The following CSMD1 variants were observed in gnomAD, a reference collection of about 807,000 sequenced individuals.
The protein encoded by CSMD1 is CUB and sushi domain-containing protein 1.
A neutral mutation model predicts 417.5 loss-of-function variants in CSMD1; 213 were observed. That is an observed-to-expected ratio of 0.51 (90% CI 0.46 to 0.57). CSMD1 has a LOEUF of 0.57. CSMD1 is among the 20% of genes least tolerant of loss of function. CSMD1 has a pLI of 0.00. For missense variants in CSMD1, 6,923 were observed against 4,529.7 expected, an observed-to-expected ratio of 1.53 and a Z score of -15.17; for synonymous variants, 2,862 against 1,736.8, an observed-to-expected ratio of 1.65 and a Z score of -16.11.
intron 2 of CSMD1, among the ~76,000 whole-genome samples, chr8:4,453,847 A>T (rs1799306568): frequency 8.9e-6 from 1 of 112,942 alleles, no homozygotes; most frequent in African/African-American, 3.5e-5. Context: ...TTTGAGACAG[A>T]GTCTCACTCT....
chr8:2,938,815 C>A, intron 69 of CSMD1, 71 bp from the exon 70 acceptor site: 1 of 1,374,672 alleles, frequency 7.3e-7, no homozygotes. Context: ...GGACTGTGTG[C>A]AGGAGACAAC....
At chr8:3,676,522 T>C (rs1043237980) in intron 7 of CSMD1, among the ~76,000 whole-genome samples, 7 of 152,210 alleles carry the variant, frequency 4.6e-5, no homozygotes, top group Admixed American at 2.0e-4. Flanking sequence ...CAGAAGCATA[T>C]AGATCTTAAA....
intron 1 of CSMD1, among the ~76,000 whole-genome samples, chr8:4,907,317 C>A (rs1805350327): frequency 6.6e-6 from 1 of 152,130 alleles, no homozygotes; most frequent in South Asian, 2.1e-4. Context: ...CAAAAGAACT[C>A]TCTCGCTATT....
chr8:3,926,098 C>CACACAAACACCATACAT (rs1414524097), intron 5 of CSMD1, among the ~76,000 whole-genome samples: 3 of 81,978 alleles, frequency 3.7e-5, no homozygotes, highest in African/African-American at 1.6e-4. Flanking sequence ...CACACACACA[C>CACACAAACACCATACAT]ACACACACAC....
chr8:4,538,191 ATT>A (rs5889045), intron 2 of CSMD1, among the ~76,000 whole-genome samples: 12 of 144,898 alleles, frequency 8.3e-5, no homozygotes, highest in South Asian at 4.4e-4. Flanking sequence ...AGGTGGCTAC[ATT>A]TTTTTTTTTT....
At chr8:4,640,084 G>C (rs1449147839) in intron 1 of CSMD1, among the ~76,000 whole-genome samples, 1 of 152,206 alleles carries the variant, frequency 6.6e-6, no homozygotes, top group Non-Finnish European at 1.5e-5. Flanking sequence ...AGTAGTTACT[G>C]TTATAGACCC....
chr8:4,969,486 T>C (rs1419777760), intron 1 of CSMD1, among the ~76,000 whole-genome samples: 1 of 151,540 alleles, frequency 6.6e-6, no homozygotes, highest in Admixed American at 6.6e-5. Flanking sequence ...TCTCTCTCTC[T>C]CTTTCTGTCT....
At chr8:4,220,184 C>G (rs1255170263) in intron 3 of CSMD1, among the ~76,000 whole-genome samples, 1 of 152,160 alleles carries the variant, frequency 6.6e-6, no homozygotes, top group African/African-American at 2.4e-5. Flanking sequence ...CTCCTGACGT[C>G]AGGTGATGTG....
At chr8:4,028,643 C>T (rs1177223981) in intron 4 of CSMD1, among the ~76,000 whole-genome samples, 1 of 152,126 alleles carries the variant, frequency 6.6e-6, no homozygotes, top group Non-Finnish European at 1.5e-5. Flanking sequence ...GATTAAAAGC[C>T]AGACTTGTGT....
chr8:4,142,329 G>C lies in CSMD1; in HGVS notation c.416-110230C>G, dbSNP rs377240880. On this transcript the variant is annotated intron_variant, in intron 3 of 69. Coordinates refer to ENST00000635120, the MANE Select transcript of CSMD1 (RefSeq NM_033225.6). ...TTTGCTATCTTTATCCACCTCATTA[G>C]CCTACTCTACGAGGTTATGATATTT... Among the ~76,000 whole-genome samples, 23 of 151,096 alleles carry C rather than the reference G, an allele frequency of 1.5e-4. No individual in the cohort carries two copies. The South Asian group carries it at 3.1e-3, about 20-fold the overall frequency.
chr8:4,834,103 T>C (rs1025326675), intron 1 of CSMD1, among the ~76,000 whole-genome samples: 4 of 152,242 alleles, frequency 2.6e-5, no homozygotes, highest in African/African-American at 9.6e-5. Flanking sequence ...AATGAATTCC[T>C]TTTGTTTCTT....
chr8:3,678,849 G>C (rs1363777007), intron 7 of CSMD1, among the ~76,000 whole-genome samples: 3 of 152,116 alleles, frequency 2.0e-5, no homozygotes, highest in African/African-American at 4.8e-5. Flanking sequence ...TCAGCAGAAA[G>C]TCTACAAGCC....
At chr8:3,521,062 C>T (rs1463324319) in intron 10 of CSMD1, among the ~76,000 whole-genome samples, 2 of 152,212 alleles carry the variant, frequency 1.3e-5, no homozygotes, top group Non-Finnish European at 2.9e-5. Flanking sequence ...CCTCCAGTCA[C>T]ACACAACCTC....
intron 1 of CSMD1, among the ~76,000 whole-genome samples, chr8:4,948,660 G>A (rs1459823152): frequency 1.3e-5 from 2 of 151,846 alleles, no homozygotes. Flanking sequence ...TATGTTGCTA[G>A]GTTGCTAAAC....
chr8:3,533,940 T>A (rs1798084336), intron 10 of CSMD1, among the ~76,000 whole-genome samples: 1 of 152,174 alleles, frequency 6.6e-6, no homozygotes, highest in South Asian at 2.1e-4. Context: ...TCACATGAAC[T>A]CTCTAAGGAT....
chr8:3,104,169 A>C (rs1050212618), intron 46 of CSMD1, among the ~76,000 whole-genome samples: 2 of 152,190 alleles, frequency 1.3e-5, no homozygotes, highest in African/African-American at 4.8e-5. Flanking sequence ...GTTGGGATTA[A>C]AATGTACCTT....
intron 49 of CSMD1, among the ~76,000 whole-genome samples, chr8:3,077,416 A>G (rs12681676): frequency 0.31 from 47,145 of 152,046 alleles, 7,482 homozygotes; most frequent in East Asian, 0.38. Context: ...CAGGCAAAGC[A>G]CACACTGTCT....
At chr8:4,047,101 AG>A (rs1387874974) in intron 3 of CSMD1, among the ~76,000 whole-genome samples, 12 of 152,182 alleles carry the variant, frequency 7.9e-5, no homozygotes, top group Non-Finnish European at 1.0e-4. Flanking sequence ...ATGGCATTGA[AG>A]CTGTGGCTTC....
At chr8:4,184,609 G>GA (rs113767956) in intron 3 of CSMD1, among the ~76,000 whole-genome samples, 86 of 149,888 alleles carry the variant, frequency 5.7e-4, no homozygotes, top group African/African-American at 1.5e-3. Context: ...ACTAACACAG[G>GA]AAAAAAAAAA....
Sources: gnomAD v4.1 joint callset for allele counts (sites outside exome capture counted in the v4.1 genomes callset) on GRCh38, gnomAD v4.1.1 for gene constraint, MANE v1.5 for transcripts, NCBI Gene and HGNC (gene_info 2026-07-23, HGNC 2026-07-21) for gene names.